Variants in GRIN2A observed in about 807,000 individuals in gnomAD.
The protein encoded by GRIN2A is glutamate receptor ionotropic, NMDA 2A.
Under a neutral mutation model 113.4 loss-of-function variants are expected in GRIN2A, and 22 were observed. That is an observed-to-expected ratio of 0.19 (90% CI 0.14 to 0.28). GRIN2A has a LOEUF of 0.28. Among genes scored for constraint, GRIN2A ranks in the 10% least tolerant of loss-of-function variants. The pLI, the probability that GRIN2A is intolerant of heterozygous loss-of-function variation, is 1.00. For missense variants in GRIN2A, 1,502 were observed against 1,887.0 expected (o/e 0.80, Z 3.78); for synonymous variants, 827 against 738.4 (o/e 1.12, Z -1.94).
chr16:10,108,718 T>G (rs1596514378), intron 2 of GRIN2A, among the ~76,000 whole-genome samples: 1 of 152,330 alleles, frequency 6.6e-6, no homozygotes, highest in East Asian at 1.9e-4. Flanking sequence ...CTAGCATACT[T>G]GGAAACCACC....
chr16:9,873,543 A>AAACAAC (rs71402407), intron 4 of GRIN2A, among the ~76,000 whole-genome samples: 1 of 147,904 alleles, frequency 6.8e-6, no homozygotes, highest in African/African-American at 2.6e-5. Flanking sequence ...CATCTCTAAA[A>AAACAAC]AACAACAACA....
rs538254788 is a variant in GRIN2A, at chr16:9,786,414, C to G, written c.2356+11863G>C. Among the ~76,000 whole-genome samples the G allele has an allele frequency of 2.0e-5, 3 of 152,200 alleles. No homozygotes were observed. The East Asian group carries it at 5.8e-4, about 29-fold the overall frequency. Reference sequence around the variant, plus strand: ...ACGGTGCTGGGGCCTGAGGCATGGACGAGTCTCCTTCACCATGAACAATGG... The same window carrying G: ...ACGGTGCTGGGGCCTGAGGCATGGAGGAGTCTCCTTCACCATGAACAATGG... On this transcript the variant is annotated intron_variant, in intron 11 of 12. Transcript: ENST00000330684.
chr16:9,918,862 C>A (rs113709333), intron 3 of GRIN2A, among the ~76,000 whole-genome samples: 1 of 151,648 alleles, frequency 6.6e-6, no homozygotes, highest in Admixed American at 6.6e-5. Flanking sequence ...TAAACCACTA[C>A]GGGCGTTTAG....
intron 5 of GRIN2A, among the ~76,000 whole-genome samples, chr16:9,845,798 ACT>A (rs1300466814): frequency 1.3e-5 from 2 of 152,062 alleles, no homozygotes; most frequent in African/African-American, 2.4e-5. Context: ...ACCCCGATGT[ACT>A]CTCTTCTCAC....
chr16:9,936,304 C>T (rs1267856770), intron 3 of GRIN2A, among the ~76,000 whole-genome samples: 1 of 152,172 alleles, frequency 6.6e-6, no homozygotes, highest in Non-Finnish European at 1.5e-5. Flanking sequence ...GATTCTGATG[C>T]CTGCTGAGGC....
At chr16:10,154,403 T>C (rs2049646730) in intron 2 of GRIN2A, among the ~76,000 whole-genome samples, 1 of 152,212 alleles carries the variant, frequency 6.6e-6, no homozygotes, top group African/African-American at 2.4e-5. Context: ...ACTTTCAGTC[T>C]CTTTACCCTG....
intron 2 of GRIN2A, among the ~76,000 whole-genome samples, chr16:10,042,949 G>T (rs2047192190): frequency 6.6e-6 from 1 of 152,124 alleles, no homozygotes; most frequent in African/African-American, 2.4e-5. Flanking sequence ...GATACCACTG[G>T]GCCACTGAAT....
chr16:10,030,422 A>G (rs949902820), intron 2 of GRIN2A, among the ~76,000 whole-genome samples: 3 of 152,174 alleles, frequency 2.0e-5, no homozygotes, highest in Non-Finnish European at 4.4e-5. Flanking sequence ...TGCTGTGTCC[A>G]GTCACGTGCT....
chr16:9,917,058 C>T (rs1461424380), intron 3 of GRIN2A, among the ~76,000 whole-genome samples: 1 of 152,198 alleles, frequency 6.6e-6, no homozygotes, highest in Non-Finnish European at 1.5e-5. Context: ...AAATATTTCC[C>T]ATCTCAGGGA....
intron 11 of GRIN2A, among the ~76,000 whole-genome samples, chr16:9,788,974 C>T (rs60311330): frequency 6.6e-6 from 1 of 152,248 alleles, no homozygotes; most frequent in East Asian, 1.9e-4. Context: ...GAACTCCTGA[C>T]CTCGTGATCC....
intron 2 of GRIN2A, among the ~76,000 whole-genome samples, chr16:10,045,125 G>A (rs914273717): frequency 6.6e-6 from 1 of 152,188 alleles, no homozygotes; most frequent in Non-Finnish European, 1.5e-5. Context: ...TCAAGTTGGT[G>A]ACAGTTCCTT....
chr16:9,934,202 G>C (rs895644323), intron 3 of GRIN2A, among the ~76,000 whole-genome samples: 7 of 152,006 alleles, frequency 4.6e-5, no homozygotes, highest in African/African-American at 1.7e-4. Flanking sequence ...GTTGTTTTCT[G>C]TACTATTCTT....
chr16:10,052,586 G>A (rs1057262953), intron 2 of GRIN2A, among the ~76,000 whole-genome samples: 6 of 152,192 alleles, frequency 3.9e-5, no homozygotes, highest in Admixed American at 3.9e-4. Context: ...TGCTGGGAGG[G>A]TAAGTGTGAC....
intron 2 of GRIN2A, among the ~76,000 whole-genome samples, chr16:10,086,949 G>T (rs992018845): frequency 6.6e-6 from 1 of 152,198 alleles, no homozygotes; most frequent in East Asian, 1.9e-4. Context: ...ATAGGGACAT[G>T]GTTTTCTCTT....
chr16:10,081,842 C>T (rs972395183), intron 2 of GRIN2A, among the ~76,000 whole-genome samples: 50 of 152,182 alleles, frequency 3.3e-4, no homozygotes, highest in African/African-American at 1.1e-3. Context: ...CCTCCAAGGC[C>T]CTATGTCCCT....
chr16:10,064,028 C>G (rs1359607208), intron 2 of GRIN2A, among the ~76,000 whole-genome samples: 2 of 152,130 alleles, frequency 1.3e-5, no homozygotes, highest in Non-Finnish European at 2.9e-5. Context: ...TTGTTCTGTT[C>G]TGCTTTATTC....
intron 11 of GRIN2A, among the ~76,000 whole-genome samples, chr16:9,777,645 G>A (rs1201459740): frequency 1.3e-5 from 2 of 152,228 alleles, no homozygotes; most frequent in Non-Finnish European, 2.9e-5. Context: ...CTCCATGGAT[G>A]AAACTTGAGT....
chr16:9,754,388 A>T lies in GRIN2A; in HGVS notation c.*8761T>A, dbSNP rs1214239553. The T allele has an allele frequency of 1.4e-5, 3 of 209,796 alleles. No individual in the cohort carries two copies. The highest frequency in any genetic ancestry group is 6.8e-5 in the African/African-American group (3 of 44,112). 13.0% of individuals were successfully genotyped at this position (209,796 alleles called of 1,614,324 possible). A position where few individuals can be genotyped will look rare whatever the true frequency, so the allele number is the denominator to read the frequency against. ...CACTGCTGTGTCAAGCAGTTTTCTG[A>T]ATTTTCTATGAAAATGTTATTCTTG... On this transcript the variant is annotated 3_prime_UTR_variant, in exon 13 of 13. Transcript: ENST00000330684.
At chr16:9,900,884 A>T (rs1162158972) in intron 3 of GRIN2A, among the ~76,000 whole-genome samples, 1 of 152,164 alleles carries the variant, frequency 6.6e-6, no homozygotes, top group Non-Finnish European at 1.5e-5. Flanking sequence ...GAGCAGAAAA[A>T]AATGTATGTA....
Sources: allele counts gnomAD v4.1 joint callset (sites outside exome capture counted in the v4.1 genomes callset), GRCh38; gene constraint gnomAD v4.1.1; transcripts MANE v1.5; gene names NCBI Gene and HGNC (gene_info 2026-07-23, HGNC 2026-07-21).